CDC42SE2: variants seen among roughly 807,000 people sequenced by gnomAD.
CDC42SE2 encodes CDC42 small effector 2.
CDC42SE2 carries 3 observed loss-of-function variants against 11.5 expected under a neutral mutation model. The ratio of observed to expected loss-of-function variants is 0.26; its 90% confidence interval spans 0.12 to 0.67. The LOEUF is 0.67. CDC42SE2 is among the 30% of genes least tolerant of loss of function. The pLI is 0.80. For synonymous variants in CDC42SE2, 33 were observed against 34.8 expected, an observed-to-expected ratio of 0.95 and a Z score of 0.18; for missense variants, 82 against 106.8, an observed-to-expected ratio of 0.77 and a Z score of 1.02.
chr5:131,335,328 G>A (rs1254451573), intron 2 of CDC42SE2, among the ~76,000 whole-genome samples: 1 of 152,226 alleles, frequency 6.6e-6, no homozygotes, highest in Non-Finnish European at 1.5e-5. Context: ...TGTGGTCTGA[G>A]AGACAGTTTG....
At chr5:131,327,847 T>C (rs1308002904) in intron 2 of CDC42SE2, among the ~76,000 whole-genome samples, 1 of 152,190 alleles carries the variant, frequency 6.6e-6, no homozygotes, top group Non-Finnish European at 1.5e-5. Flanking sequence ...ACAAACACCA[T>C]ATTATCTTTA....
At chr5:131,211,057 G>A in the CDC42SE2 span, among the ~76,000 whole-genome samples, 1 of 152,166 alleles carries the variant, frequency 6.6e-6, no homozygotes, top group African/African-American at 2.4e-5. Flanking sequence ...AGGCCATCTT[G>A]AATTCCTGAT....
intron 2 of CDC42SE2, among the ~76,000 whole-genome samples, chr5:131,337,258 C>T (rs560392175): frequency 3.3e-5 from 5 of 152,274 alleles, no homozygotes; most frequent in Admixed American, 3.3e-4. Flanking sequence ...GCCTGGGTAT[C>T]ACCAGCGGTG....
At chr5:131,307,069 T>A (rs953317315) in intron 1 of CDC42SE2, among the ~76,000 whole-genome samples, 2 of 152,006 alleles carry the variant, frequency 1.3e-5, no homozygotes, top group Non-Finnish European at 2.9e-5. Context: ...TTTTTAATTT[T>A]TTTATTATTA....
At chr5:131,386,199 A>G (rs1380105926) in intron 4 of CDC42SE2, among the ~76,000 whole-genome samples, 2 of 152,238 alleles carry the variant, frequency 1.3e-5, no homozygotes, top group Non-Finnish European at 2.9e-5. Flanking sequence ...TAAGGAGTCC[A>G]CAACCAAATC....
intron 1 of CDC42SE2, among the ~76,000 whole-genome samples, chr5:131,292,476 G>A (rs776341429): frequency 1.3e-5 from 2 of 149,794 alleles, no homozygotes; most frequent in African/African-American, 4.9e-5. Context: ...GCTGAGGCAG[G>A]AGAATTGCTT....
chr5:131,363,256 C>T (rs2549018), intron 3 of CDC42SE2, among the ~76,000 whole-genome samples: 35,165 of 145,090 alleles, frequency 0.24, 4,438 homozygotes, highest in East Asian at 0.49. Flanking sequence ...ACAAGGAACC[C>T]TGATTTACAG....
chr5:131,246,415 T>C (rs1756582571), intron 1 of CDC42SE2, among the ~76,000 whole-genome samples: 1 of 152,108 alleles, frequency 6.6e-6, no homozygotes. Flanking sequence ...AAGATCACCA[T>C]TGCACTCCAG....
At position 131,295,249 on chromosome 5, in the gene CDC42SE2, C is replaced by T. The variant is rs117751802; in HGVS notation, c.-454-20727C>T. On this transcript the variant is annotated intron_variant, in intron 1 of 4. Coordinates refer to ENST00000505065, the MANE Select transcript of CDC42SE2 (RefSeq NM_001375635.1). Reference sequence around the variant, plus strand: ...AGTAAGCTGAGTTGATGCCATTGCACTCCAGCCTGGGTGACAGATTGAGAC... The same window carrying T: ...AGTAAGCTGAGTTGATGCCATTGCATTCCAGCCTGGGTGACAGATTGAGAC... 5.1e-3 allele frequency among the ~76,000 whole-genome samples: 768 copies of T among 151,302 alleles called. 30 individuals are homozygous for T. Among genetic ancestry groups the T allele is most frequent in the Admixed American group, 0.039 (595 of 15,184 alleles).
chr5:131,368,185 G>A lies in CDC42SE2; in HGVS notation c.54+8638G>A, dbSNP rs145902576. Among the ~76,000 whole-genome samples the A allele has an allele frequency of 7.7e-3, 1,169 of 150,980 alleles. 13 individuals carry two copies. The highest frequency in any genetic ancestry group is 0.02 in the South Asian group (96 of 4,788). On this transcript the variant is annotated intron_variant, in intron 3 of 4. Coordinates refer to ENST00000505065, the MANE Select transcript of CDC42SE2 (RefSeq NM_001375635.1). ...GGAGAATGGCGTGAACCTGGGAGGC[G>A]GAGCTTGCAATGAGCCGAGATTGCG...
intron 2 of CDC42SE2, among the ~76,000 whole-genome samples, chr5:131,321,826 C>A (rs1451234936): frequency 6.6e-6 from 1 of 151,962 alleles, no homozygotes; most frequent in Non-Finnish European, 1.5e-5. Context: ...AGGTCACCCC[C>A]AATCTACATT....
At chr5:131,228,937 C>A in the CDC42SE2 span, among the ~76,000 whole-genome samples, 1 of 152,194 alleles carries the variant, frequency 6.6e-6, no homozygotes, top group Non-Finnish European at 1.5e-5. Flanking sequence ...GCTTCTAGAA[C>A]TCTGAGAAAA....
chr5:131,310,715 T>C (rs1488521766), intron 1 of CDC42SE2, among the ~76,000 whole-genome samples: 1 of 152,190 alleles, frequency 6.6e-6, no homozygotes, highest in African/African-American at 2.4e-5. Context: ...CCTTGTCTCT[T>C]TTGATTTTTG....
chr5:131,360,981 GGTTACAT>G (rs1249311583), intron 3 of CDC42SE2, among the ~76,000 whole-genome samples: 4 of 148,528 alleles, frequency 2.7e-5, no homozygotes, highest in African/African-American at 7.4e-5. Flanking sequence ...GCTGGATTGT[GGTTACAT>G]GTTTTCTTAT....
the CDC42SE2 span, among the ~76,000 whole-genome samples, chr5:131,225,460 CT>C: frequency 1.3e-5 from 2 of 152,314 alleles, no homozygotes; most frequent in African/African-American, 4.8e-5. Flanking sequence ...GAGGCTAATC[CT>C]GTGGGTGATT....
chr5:131,254,771 A>G (rs1580715797), intron 1 of CDC42SE2, among the ~76,000 whole-genome samples: 1 of 152,314 alleles, frequency 6.6e-6, no homozygotes, highest in African/African-American at 2.4e-5. Context: ...ATAATCATCT[A>G]CTGAAGTTAC....
intron 1 of CDC42SE2, among the ~76,000 whole-genome samples, chr5:131,306,877 T>A (rs973965306): frequency 1.3e-5 from 2 of 151,898 alleles, no homozygotes; most frequent in South Asian, 2.1e-4. Flanking sequence ...GATTTCTTAA[T>A]TTTTTTTCCA....
chr5:131,336,249 A>G (rs982120642), intron 2 of CDC42SE2, among the ~76,000 whole-genome samples: 1 of 152,204 alleles, frequency 6.6e-6, no homozygotes, highest in Non-Finnish European at 1.5e-5. Context: ...GCTGGATATG[A>G]AATGCTGAGT....
intron 2 of CDC42SE2, among the ~76,000 whole-genome samples, chr5:131,332,939 G>C (rs1207571416): frequency 6.6e-6 from 1 of 152,084 alleles, no homozygotes; most frequent in Non-Finnish European, 1.5e-5. Context: ...TCTGATGGTG[G>C]TTTCTTTTGC....
Sources: allele counts gnomAD v4.1 joint callset (sites outside exome capture counted in the v4.1 genomes callset), GRCh38; gene constraint gnomAD v4.1.1; transcripts MANE v1.5; gene names NCBI Gene and HGNC (gene_info 2026-07-23, HGNC 2026-07-21).